The following ZNF471 variants were observed in gnomAD, a reference collection of about 807,000 sequenced individuals.
The protein encoded by ZNF471 is EZFIT-related protein 1.
ZNF471 carries 7 observed loss-of-function variants against 13.7 expected under a neutral mutation model. The observed-to-expected ratio is 0.51, with a 90% CI of 0.29 to 0.96. The LOEUF is 0.96. ZNF471 is among the 40% of genes least tolerant of loss of function. The pLI is 0.08. For synonymous variants in ZNF471, 218 were observed against 235.6 expected (o/e 0.93, Z 0.68); for missense variants, 663 against 743.3 (o/e 0.89, Z 1.26).
intron 2 of ZNF471, among the ~76,000 whole-genome samples, chr19:56,514,346 G>A (rs1173766999): frequency 6.6e-6 from 1 of 152,068 alleles, no homozygotes; most frequent in Non-Finnish European, 1.5e-5. Flanking sequence ...AAAGTGCTGG[G>A]ATTATAAGTG....
In ZNF471 at chr19:56,510,132, T is replaced by C; in HGVS notation, c.-55-1385T>C. On this transcript the variant is annotated intron_variant, in intron 1 of 4. Coordinates refer to ENST00000308031, the MANE Select transcript of ZNF471 (RefSeq NM_020813.4). This position sits in a 1 kb window ranked among gnomAD's most constrained non-coding sequence, Gnocchi z 4.3. Reference sequence around the variant, plus strand: ...GGTTGTGAGAGGGTGTATCACAGTATGAAAAAGATTGGAGTGAGAGTGACC... The same window carrying C: ...GGTTGTGAGAGGGTGTATCACAGTACGAAAAAGATTGGAGTGAGAGTGACC... 1.0e-6 allele frequency: 1 copy of C among 985,426 alleles called. No homozygotes were observed. The highest frequency in any genetic ancestry group is 1.2e-6 in the Non-Finnish European group (1 of 830,002). 61.0% of individuals were successfully genotyped at this position (985,426 alleles called of 1,614,324 possible). A position where few individuals can be genotyped will look rare whatever the true frequency, so the allele number is the denominator to read the frequency against.
Position 56,510,363 on chromosome 19 carries a change from A to T in ZNF471, c.-55-1154A>T. ...AGTGATGTGGTTGTGTGAGAGACCA[A>T]AATGGGTGAGAAAGAAACTATGTGA... On this transcript the variant is annotated intron_variant, in intron 1 of 4. Coordinates refer to ENST00000308031, the MANE Select transcript of ZNF471 (RefSeq NM_020813.4). The surrounding 1 kb of genome is among the most constrained non-coding windows in gnomAD (Gnocchi z 4.3). The T allele has an allele frequency of 1.0e-6, 1 of 985,574 alleles. No individual in the cohort carries two copies. Among genetic ancestry groups the T allele is most frequent in the Non-Finnish European group, 1.2e-6 (1 of 830,008 alleles). 61.1% of individuals were successfully genotyped at this position (985,574 alleles called of 1,614,324 possible).
chr19:56,509,572 G>A (rs1368843510), intron 1 of ZNF471, among the ~76,000 whole-genome samples: 1 of 152,194 alleles, frequency 6.6e-6, no homozygotes, highest in African/African-American at 2.4e-5. Context: ...GTAGGGCTGA[G>A]CCCTCAACCT....
In ZNF471 at chr19:56,511,631, T is replaced by G. The variant is rs192687916; in HGVS notation, c.33+27T>G. ...TTAGTGGATATTTTCTTTCTCTTCA[T>G]GAAAGGCAGTCTTGCTGTTTAGGAC... On this transcript the variant is annotated intron_variant, in intron 2 of 4. Coordinates refer to ENST00000308031, the MANE Select transcript of ZNF471 (RefSeq NM_020813.4). 3.6e-4 allele frequency: 561 copies of G among 1,572,474 alleles called. 2 individuals are homozygous for G. The African/African-American group carries it at 7.0e-3, about 20-fold the overall frequency.
In ZNF471 at chr19:56,510,277, T is replaced by C. The variant is rs2147900873; in HGVS notation, c.-55-1240T>C. ...ACTGAGGCCTCTTTGAAAGATACCA[T>C]TGAATGTGTATGTATGAGAGACCAT... is the stretch of plus-strand genomic sequence containing the variant. On this transcript the variant is annotated intron_variant, in intron 1 of 4. Transcript: ENST00000308031. The surrounding 1 kb of genome is among the most constrained non-coding windows in gnomAD (Gnocchi z 4.3). 1.0e-6 allele frequency: 1 copy of C among 985,380 alleles called. No individual in the cohort carries two copies. The highest frequency in any genetic ancestry group is 1.2e-6 in the Non-Finnish European group (1 of 829,948). 61.0% of individuals were successfully genotyped at this position (985,380 alleles called of 1,614,324 possible).
rs769517134 is a variant in ZNF471 at position 56,526,331 on chromosome 19, G to A, written c.*383G>A. The A allele has an allele frequency of 3.4e-5, 6 of 175,230 alleles. No individual in the cohort carries two copies. Among genetic ancestry groups the A allele is most frequent in the East Asian group, 1.6e-4 (1 of 6,344 alleles). The allele number at this position is 175,230 out of a possible 1,614,324, so 10.9% of individuals were successfully genotyped here. On this transcript the variant is annotated 3_prime_UTR_variant, in exon 5 of 5. Transcript: ENST00000308031. Reference sequence around the variant, plus strand: ...TGTGCCATGAGGAATGGTGCACTCCGGCACAGATACTACGCTTTTCCCATG... The same window carrying A: ...TGTGCCATGAGGAATGGTGCACTCCAGCACAGATACTACGCTTTTCCCATG...
chr19:56,518,877 G>A (rs962207033), intron 4 of ZNF471, among the ~76,000 whole-genome samples: 1 of 152,046 alleles, frequency 6.6e-6, no homozygotes, highest in African/African-American at 2.4e-5. Flanking sequence ...TTGCCATACA[G>A]ACTTATATAA....
chr19:56,507,911 G>T lies in ZNF471; in HGVS notation c.-65G>T. Reference sequence around the variant, plus strand: ...GGATGAGAGCGTCTGGGTGCCAGACGAGGCCGGGGGTTTGTTTTGGGTGGT... The same window carrying T: ...GGATGAGAGCGTCTGGGTGCCAGACTAGGCCGGGGGTTTGTTTTGGGTGGT... On this transcript the variant is annotated 5_prime_UTR_variant, in exon 1 of 5. Transcript: ENST00000308031. The T allele has an allele frequency of 4.1e-6, 4 of 985,628 alleles. No individual in the cohort carries two copies. Among genetic ancestry groups the T allele is most frequent in the Non-Finnish European group, 3.6e-6 (3 of 830,042 alleles). 61.1% of individuals were successfully genotyped at this position (985,628 alleles called of 1,614,324 possible).
chr19:56,517,469 AT>A (rs902685828), intron 3 of ZNF471, among the ~76,000 whole-genome samples: 1 of 151,624 alleles, frequency 6.6e-6, no homozygotes, highest in African/African-American at 2.4e-5. Context: ...CACCTGGCTA[AT>A]TTTTTTGTAT....
chr19:56,512,287 T>C (rs2043822872), intron 2 of ZNF471, among the ~76,000 whole-genome samples: 1 of 151,400 alleles, frequency 6.6e-6, no homozygotes, highest in Non-Finnish European at 1.5e-5. Flanking sequence ...AAGTTAATGA[T>C]TTTTCGTGTC....
rs1484826797 is a variant in ZNF471, at chr19:56,523,000, T to C, written c.257-1324T>C. On this transcript the variant is annotated intron_variant, in intron 4 of 4. Coordinates refer to ENST00000308031, the MANE Select transcript of ZNF471 (RefSeq NM_020813.4). The surrounding 1 kb of genome is among the most constrained non-coding windows in gnomAD (Gnocchi z 4.1). ...ACATGCCCGCCTTGGCCTCCCAAAG[T>C]GCTGGGATTACAGGCATGAGCCATT... Among the ~76,000 whole-genome samples the C allele has an allele frequency of 6.6e-6, 1 of 152,216 alleles. No homozygotes were observed. The highest frequency in any genetic ancestry group is 1.5e-5 in the Non-Finnish European group (1 of 68,040).
rs201832803 is a variant in ZNF471, at chr19:56,525,260, C to G, written c.1193C>G (p.Thr398Arg). The change falls in exon 5 of 5, where the codon ACA (threonine) becomes AGA (arginine). Residue 398 changes from threonine (T) to arginine (R), a missense_variant. By Grantham distance (71) the Thr-to-Arg change is moderately conservative. Transcript: ENST00000308031. Reference sequence around the variant, plus strand: ...CTTATTCTGCATAGGAGAATTCATACAGGAGAGAAACCTTACAAATGTGGT... The same window carrying G: ...CTTATTCTGCATAGGAGAATTCATAGAGGAGAGAAACCTTACAAATGTGGT... ...IGLILHRRIH[T>R]GEKPYKCGVC... is the part of the protein sequence containing the mutation. 1.1e-4 allele frequency: 185 copies of G among 1,611,838 alleles called. No homozygotes were observed. Among genetic ancestry groups the G allele is most frequent in the Admixed American group, 3.0e-4 (18 of 59,926 alleles).
At chr19:56,517,803 T>A (rs7250075) in intron 3 of ZNF471, among the ~76,000 whole-genome samples, 35,620 of 152,092 alleles carry the variant, frequency 0.23, 4,384 homozygotes, top group Middle Eastern at 0.26. Flanking sequence ...ACCCTCAATG[T>A]TTGGTTAGGT....
At chr19:56,523,567 A>C (rs1245476348) in intron 4 of ZNF471, among the ~76,000 whole-genome samples, 1 of 152,180 alleles carries the variant, frequency 6.6e-6, no homozygotes, top group Non-Finnish European at 1.5e-5. Context: ...ATTTCACCTA[A>C]ATCCTAAGAT....
rs1166012770 is a variant in ZNF471 at position 56,527,287 on chromosome 19, C to A, written c.*1339C>A. The A allele has an allele frequency of 5.9e-5, 9 of 152,314 alleles. No homozygotes were observed. Among genetic ancestry groups the A allele is most frequent in the Non-Finnish European group, 1.5e-5 (1 of 68,136 alleles). 9.4% of individuals were successfully genotyped at this position (152,314 alleles called of 1,614,324 possible). On this transcript the variant is annotated 3_prime_UTR_variant, in exon 5 of 5. Coordinates refer to ENST00000308031, the MANE Select transcript of ZNF471 (RefSeq NM_020813.4). ...CTAACAGGAATATAATCAACATCAA[C>A]AAAGGACATCCACACAGAAACCCCA...
chr19:56,525,415 C>T lies in ZNF471; in HGVS notation c.1348C>T (p.Gln450Ter). Reference protein sequence around the residue: ...FSHHASLTQHQRVHSGEKPYE... With the variant: ...FSHHASLTQH Reference sequence around the variant, plus strand: ...CCATCATGCATCACTCACTCAGCATCAAAGAGTACATTCTGGAGAGAAACC... The same window carrying T: ...CCATCATGCATCACTCACTCAGCATTAAAGAGTACATTCTGGAGAGAAACC... Residue 450 changes from glutamine (Q) to a stop codon, truncating the protein, a stop_gained, in exon 5 of 5, where the codon CAA becomes TAA. Transcript: ENST00000308031. LOFTEE classifies it low-confidence loss of function (END_TRUNC). The T allele has an allele frequency of 6.2e-7, 1 of 1,614,040 alleles. No individual in the cohort carries two copies. The highest frequency in any genetic ancestry group is 8.5e-7 in the Non-Finnish European group (1 of 1,180,014).
intron 2 of ZNF471, among the ~76,000 whole-genome samples, chr19:56,512,511 TATA>T (rs946604134): frequency 4.6e-5 from 7 of 152,246 alleles, no homozygotes; most frequent in Middle Eastern, 3.4e-3. Flanking sequence ...ATGTATAATT[TATA>T]ATAAGTGAGG....
intron 1 of ZNF471, among the ~76,000 whole-genome samples, chr19:56,509,100 C>G (rs545938185): frequency 1.4e-4 from 22 of 152,222 alleles, no homozygotes; most frequent in African/African-American, 5.3e-4. Flanking sequence ...GGGCTGGCAG[C>G]CTGTAGGTTG....
chr19:56,516,522 A>G lies in ZNF471; in HGVS notation c.160+121A>G. 1.1e-6 allele frequency: 1 copy of G among 914,062 alleles called. No homozygotes were observed. The highest frequency in any genetic ancestry group is 1.6e-6 in the Non-Finnish European group (1 of 619,824). 56.6% of individuals were successfully genotyped at this position (914,062 alleles called of 1,614,324 possible). A position where few individuals can be genotyped will look rare whatever the true frequency, so the allele number is the denominator to read the frequency against. On this transcript the variant is annotated intron_variant, in intron 3 of 4. Transcript: ENST00000308031. This position sits in a 1 kb window ranked among gnomAD's most constrained non-coding sequence, Gnocchi z 4.4. ...AATTTGGGAATGGAATCTGAGAAAC[A>G]GAGGATATTGAGGGACTGAAGAAAA...
Sources: allele counts gnomAD v4.1 joint callset (sites outside exome capture counted in the v4.1 genomes callset), GRCh38; gene constraint gnomAD v4.1.1; non-coding constraint Gnocchi (gnomAD v3.1); transcripts MANE v1.5; gene names NCBI Gene and HGNC (gene_info 2026-07-23, HGNC 2026-07-21).